The following ZRANB3 variants were observed in gnomAD, a reference collection of about 807,000 sequenced individuals.
ZRANB3 encodes the protein zinc finger RANBP2-type containing 3.
ZRANB3 carries 125 observed loss-of-function variants against 133.8 expected under a neutral mutation model. The observed-to-expected ratio is 0.93, with a 90% CI of 0.81 to 1.08. The LOEUF (loss-of-function observed/expected upper bound fraction) is 1.08. Among genes scored for constraint, ZRANB3 ranks in the 50% least tolerant of loss-of-function variants. The pLI is 0.00. For synonymous variants in ZRANB3, 387 were observed against 432.7 expected (o/e 0.89, Z 1.31); for missense variants, 1,229 against 1,275.5 (o/e 0.96, Z 0.56).
chr2:135,415,816 T>C (rs1688542425), intron 2 of ZRANB3, among the ~76,000 whole-genome samples: 1 of 152,128 alleles, frequency 6.6e-6, no homozygotes, highest in African/African-American at 2.4e-5. Flanking sequence ...CACAAATCAA[T>C]AAATGTAATC....
intron 2 of ZRANB3, among the ~76,000 whole-genome samples, chr2:135,467,703 C>G (rs931924520): frequency 2.0e-5 from 3 of 152,188 alleles, no homozygotes; most frequent in Non-Finnish European, 4.4e-5. Context: ...CCTCCTTGGT[C>G]CTTACTTTGC....
rs1449074931 is a variant in ZRANB3 at position 135,315,374 on chromosome 2, T to C, written c.834A>G (p.Pro278=). The change falls in exon 7 of 21, where the codon CCA becomes CCG. Residue 278 remains proline (P), a synonymous_variant. Coordinates refer to ENST00000264159, the MANE Select transcript of ZRANB3 (RefSeq NM_032143.4). The part of the protein sequence containing the change: ...KVRQRIPFDL[P]SAAAKELNTS... ...CGGTTCTCACCTTGGCAGCTGCTGATGGAAGATCAAATGGAATACGCTGTC... is the reference window on the plus strand; with the variant it reads ...CGGTTCTCACCTTGGCAGCTGCTGACGGAAGATCAAATGGAATACGCTGTC... 3.2e-6 allele frequency: 5 copies of C among 1,575,816 alleles called. No individual in the cohort carries two copies. The South Asian group carries it at 3.6e-5, about 11-fold the overall frequency.
intron 2 of ZRANB3, among the ~76,000 whole-genome samples, chr2:135,502,371 A>G (rs544114683): frequency 3.3e-5 from 5 of 152,346 alleles, no homozygotes; most frequent in Non-Finnish European, 7.4e-5. Flanking sequence ...ATATTTTGTT[A>G]GGACTGGTTA....
At chr2:135,224,048 C>T (rs981467916) in intron 15 of ZRANB3, among the ~76,000 whole-genome samples, 6 of 152,080 alleles carry the variant, frequency 3.9e-5, no homozygotes, top group Non-Finnish European at 5.9e-5. Context: ...TAAGGGTACA[C>T]AGTAGGTTTA....
intron 12 of ZRANB3, 77 bp from the exon 13 acceptor site, chr2:135,231,004 A>C: frequency 7.4e-7 from 1 of 1,358,326 alleles, no homozygotes; most frequent in Non-Finnish European, 9.7e-7. Flanking sequence ...GCTTAACAAA[A>C]TATTTTAATT....
chr2:135,500,840 A>G (rs986409214), intron 2 of ZRANB3, among the ~76,000 whole-genome samples: 10 of 151,888 alleles, frequency 6.6e-5, no homozygotes, highest in Admixed American at 5.9e-4. Context: ...TGTGAATTCT[A>G]TGAGAGAACT....
intron 2 of ZRANB3, among the ~76,000 whole-genome samples, chr2:135,409,407 C>T (rs1411524232): frequency 6.6e-6 from 1 of 152,018 alleles, no homozygotes; most frequent in Non-Finnish European, 1.5e-5. Flanking sequence ...TTCATAGATG[C>T]TGAGAAAGCA....
intron 9 of ZRANB3, among the ~76,000 whole-genome samples, chr2:135,274,371 T>C (rs1283099379): frequency 6.6e-6 from 1 of 152,210 alleles, no homozygotes; most frequent in African/African-American, 2.4e-5. Flanking sequence ...ATTTTCCATA[T>C]ATTGCCTGGA....
intron 2 of ZRANB3, among the ~76,000 whole-genome samples, chr2:135,401,823 C>T (rs1687745043): frequency 6.6e-6 from 1 of 152,064 alleles, no homozygotes; most frequent in African/African-American, 2.4e-5. Context: ...TTATTATGTG[C>T]AGCTGAACTC....
chr2:135,297,378 G>C (rs142282895), intron 8 of ZRANB3, among the ~76,000 whole-genome samples: 1 of 152,348 alleles, frequency 6.6e-6, no homozygotes, highest in African/African-American at 2.4e-5. Flanking sequence ...CTCCGAGACA[G>C]GTGCGGGATA....
chr2:135,472,146 T>C (rs1559021339), intron 2 of ZRANB3, among the ~76,000 whole-genome samples: 1 of 152,318 alleles, frequency 6.6e-6, no homozygotes, highest in Non-Finnish European at 1.5e-5. Context: ...ATAGATAACC[T>C]CATAGTATAT....
chr2:135,324,915 G>T (rs1573912474), intron 6 of ZRANB3, among the ~76,000 whole-genome samples: 1 of 152,084 alleles, frequency 6.6e-6, no homozygotes, highest in African/African-American at 2.4e-5. Context: ...TTGCCCACTT[G>T]TTGATGGGGT....
At chr2:135,277,833 G>C (rs1384367379) in intron 8 of ZRANB3, among the ~76,000 whole-genome samples, 3 of 151,344 alleles carry the variant, frequency 2.0e-5, no homozygotes, top group Non-Finnish European at 4.4e-5. Flanking sequence ...GCTGAGGCAG[G>C]AGAATCGCTT....
At chr2:135,206,303 G>A (rs1693855248) in intron 19 of ZRANB3, among the ~76,000 whole-genome samples, 1 of 151,046 alleles carries the variant, frequency 6.6e-6, no homozygotes. Flanking sequence ...GCAGTGGCAT[G>A]ATCTTGGCTC....
chr2:135,440,905 C>T (rs539107190), intron 2 of ZRANB3, among the ~76,000 whole-genome samples: 2 of 152,002 alleles, frequency 1.3e-5, no homozygotes, highest in Non-Finnish European at 2.9e-5. Flanking sequence ...TTTGATAGAG[C>T]AATAGAAATT....
intron 2 of ZRANB3, among the ~76,000 whole-genome samples, chr2:135,460,742 T>C (rs1287366948): frequency 1.3e-5 from 2 of 152,188 alleles, no homozygotes; most frequent in African/African-American, 2.4e-5. Context: ...CAGTAGGCAA[T>C]GAATTTAACA....
intron 8 of ZRANB3, among the ~76,000 whole-genome samples, chr2:135,290,195 A>G (rs1681615020): frequency 6.6e-6 from 1 of 152,144 alleles, no homozygotes; most frequent in Non-Finnish European, 1.5e-5. Context: ...TCAGTGGAGT[A>G]ATGAAGTTCC....
At chr2:135,240,324 T>C (rs113884006) in intron 12 of ZRANB3, among the ~76,000 whole-genome samples, 1 of 152,184 alleles carries the variant, frequency 6.6e-6, no homozygotes, top group African/African-American at 2.4e-5. Context: ...AAAAACAAAA[T>C]GGTAACAAAG....
At chr2:135,520,139 T>C (rs531594679) in intron 1 of ZRANB3, among the ~76,000 whole-genome samples, 3 of 151,516 alleles carry the variant, frequency 2.0e-5, no homozygotes, top group Admixed American at 6.6e-5. Flanking sequence ...ATCCCAGCAC[T>C]TTGGGAGGCC....
Sources: gnomAD v4.1 joint callset for allele counts (sites outside exome capture counted in the v4.1 genomes callset) on GRCh38, gnomAD v4.1.1 for gene constraint, MANE v1.5 for transcripts, NCBI Gene and HGNC (gene_info 2026-07-23, HGNC 2026-07-21) for gene names.